The following SLIT2 variants were observed in gnomAD, a reference collection of about 807,000 sequenced individuals.
The protein encoded by SLIT2 is slit homolog 2 protein.
SLIT2 carries 41 observed loss-of-function variants against 185.7 expected under a neutral mutation model. That is an observed-to-expected ratio of 0.22 (90% confidence interval 0.17 to 0.29). The LOEUF (loss-of-function observed/expected upper bound fraction) is 0.29. SLIT2 is among the 10% of genes least tolerant of loss of function. The pLI is 1.00. For missense variants in SLIT2, 1,571 were observed against 1,909.0 expected (o/e 0.82, Z 3.30); for synonymous variants, 693 against 680.2 (o/e 1.02, Z -0.29).
chr4:20,313,165 G>A (rs1422146809), intron 4 of SLIT2, among the ~76,000 whole-genome samples: 1 of 152,122 alleles, frequency 6.6e-6, no homozygotes, highest in Admixed American at 6.6e-5. Flanking sequence ...CCTGAGACTT[G>A]GTAATTTATA....
intron 4 of SLIT2, among the ~76,000 whole-genome samples, chr4:20,441,508 C>T (rs1281481197): frequency 7.3e-6 from 1 of 136,598 alleles, no homozygotes; most frequent in Non-Finnish European, 1.6e-5. Flanking sequence ...CTCTCGCCCC[C>T]CCCCACTTCT....
intron 17 of SLIT2, among the ~76,000 whole-genome samples, chr4:20,533,011 A>G (rs964206732): frequency 6.6e-6 from 1 of 152,212 alleles, no homozygotes; most frequent in African/African-American, 2.4e-5. Context: ...GTTGACCTCA[A>G]CTAGATACTC....
At chr4:20,437,142 G>C (rs879892268) in intron 4 of SLIT2, among the ~76,000 whole-genome samples, 1 of 152,074 alleles carries the variant, frequency 6.6e-6, no homozygotes, top group African/African-American at 2.4e-5. Context: ...GTCAGGACCT[G>C]CTCTCTAAAA....
In SLIT2 at chr4:20,252,509, T is replaced by G. The variant is rs1258576520; in HGVS notation, c.-1307T>G. 1.3e-5 allele frequency among the ~76,000 whole-genome samples: 2 copies of G among 151,978 alleles called. No homozygotes were observed. The highest frequency in any genetic ancestry group is 2.9e-5 in the Non-Finnish European group (2 of 67,984). On this transcript the variant is annotated 5_prime_UTR_variant, in exon 1 of 37. Transcript: ENST00000504154. ...CGGCAGGGGTACCGCCACTGTGGCCTTGGGGGACGGAATTCAAAGCCTGGG... is the reference window on the plus strand; with the variant it reads ...CGGCAGGGGTACCGCCACTGTGGCCGTGGGGGACGGAATTCAAAGCCTGGG...
At chr4:20,505,284 T>C (rs925427732) in intron 9 of SLIT2, among the ~76,000 whole-genome samples, 1 of 152,076 alleles carries the variant, frequency 6.6e-6, no homozygotes, top group Non-Finnish European at 1.5e-5. Flanking sequence ...GCTAATCAGC[T>C]GCAGATCCAG....
In SLIT2 at chr4:20,595,771, A is replaced by C; in HGVS notation, c.3257A>C (p.Lys1086Thr). Reference sequence around the variant, plus strand: ...GACGACTGCCAAGACAACAAGTGTAAAAACGGAGCCCACTGCACAGATGCA... The same window carrying C: ...GACGACTGCCAAGACAACAAGTGTACAAACGGAGCCCACTGCACAGATGCA... ...DFDDCQDNKC[K>T]NGAHCTDAVN... is the part of the protein sequence containing the mutation. The change falls in exon 31 of 37, where the codon AAA (lysine) becomes ACA (threonine). Residue 1086 changes from lysine to threonine, a missense_variant. Physicochemically the swap from Lys to Thr is moderately conservative, Grantham distance 78. Around this residue, in one of 3 missense-constraint regions of SLIT2, gnomAD observed 1,202 missense variants for 1,416.4 expected, o/e 0.85. Coordinates refer to ENST00000504154, the MANE Select transcript of SLIT2 (RefSeq NM_004787.4). 6.2e-7 allele frequency: 1 copy of C among 1,614,168 alleles called. No individual in the cohort carries two copies. Among genetic ancestry groups the C allele is most frequent in the Non-Finnish European group, 8.5e-7 (1 of 1,180,012 alleles).
At chr4:20,489,757 A>G (rs1717606370) in intron 8 of SLIT2, among the ~76,000 whole-genome samples, 1 of 151,124 alleles carries the variant, frequency 6.6e-6, no homozygotes, top group Middle Eastern at 3.5e-3. Flanking sequence ...GCACTCCAGC[A>G]TGGGTGACAA....
chr4:20,406,386 A>G lies in SLIT2; in HGVS notation c.396-61366A>G, dbSNP rs1726776125. Among the ~76,000 whole-genome samples the G allele has an allele frequency of 1.4e-5, 2 of 143,854 alleles. 1 individual carries two copies. Among genetic ancestry groups the G allele is most frequent in the South Asian group, 4.9e-4 (2 of 4,112 alleles). 94.4% of individuals were successfully genotyped at this position (143,854 alleles called of 152,430 possible). ...GAGTGGGAGAAGGGATTTGTAATAT[A>G]TGTAACCACTGAAGGATTTACATAC... On this transcript the variant is annotated intron_variant, in intron 4 of 36. Coordinates refer to ENST00000504154, the MANE Select transcript of SLIT2 (RefSeq NM_004787.4).
intron 4 of SLIT2, among the ~76,000 whole-genome samples, chr4:20,301,109 A>G (rs1716996792): frequency 6.6e-6 from 1 of 152,138 alleles, no homozygotes; most frequent in Non-Finnish European, 1.5e-5. Context: ...TTTCTCATAT[A>G]TTCAATGAGA....
intron 6 of SLIT2, 104 bp from the exon 7 acceptor site, chr4:20,486,094 GCT>G (rs1717208075): frequency 1.4e-6 from 1 of 695,474 alleles, no homozygotes; most frequent in African/African-American, 1.8e-5. Context: ...CTACCAGGTA[GCT>G]GTCCTGCATA....
intron 3 of SLIT2, among the ~76,000 whole-genome samples, chr4:20,263,227 G>A (rs759773426): frequency 1.3e-5 from 2 of 151,668 alleles, no homozygotes; most frequent in African/African-American, 4.8e-5. Flanking sequence ...TTGCCATTAT[G>A]TTTTTTCAAA....
intron 5 of SLIT2, among the ~76,000 whole-genome samples, chr4:20,473,765 A>G (rs1017036035): frequency 3.3e-5 from 5 of 152,026 alleles, no homozygotes; most frequent in African/African-American, 1.2e-4. Context: ...ATTCCTAATG[A>G]TAAGAGAGCA....
At chr4:20,281,438 T>G (rs990459117) in intron 4 of SLIT2, among the ~76,000 whole-genome samples, 4 of 152,216 alleles carry the variant, frequency 2.6e-5, no homozygotes, top group African/African-American at 9.7e-5. Flanking sequence ...GGAAATGCAT[T>G]GTGCACCCGG....
intron 4 of SLIT2, among the ~76,000 whole-genome samples, chr4:20,278,012 A>G (rs1714334613): frequency 6.6e-6 from 1 of 151,928 alleles, no homozygotes; most frequent in Non-Finnish European, 1.5e-5. Context: ...GTACCTCTCT[A>G]AAACTATCTT....
intron 4 of SLIT2, among the ~76,000 whole-genome samples, chr4:20,388,927 ATAAT>A (rs983782006): frequency 2.1e-5 from 3 of 145,926 alleles, no homozygotes; most frequent in Middle Eastern, 3.6e-3. Context: ...TATATAATAT[ATAAT>A]ATATACACAC....
intron 4 of SLIT2, among the ~76,000 whole-genome samples, chr4:20,405,604 A>T (rs1320705707): frequency 6.6e-6 from 1 of 151,900 alleles, no homozygotes. Flanking sequence ...GAAAACATGG[A>T]GGCTATTGTA....
At position 20,253,855 on chromosome 4, in the gene SLIT2, G is replaced by A; in HGVS notation, c.40G>A (p.Gly14Arg). ...VGWQMLSLSLGLVLAILNKVA... is the reference protein window; with the variant it reads ...VGWQMLSLSLRLVLAILNKVA... ...CTGGCAGATGCTGTCCCTGTCGCTG[G>A]GGTTAGTGCTGGCGATCCTGAACAA... Residue 14 changes from glycine to arginine, a missense_variant, in exon 1 of 37, where the codon GGG becomes AGG. This residue lies in a region of SLIT2 where 1,202 missense variants were observed against 1,416.4 expected (regional missense o/e 0.85). Transcript: ENST00000504154. The A allele has an allele frequency of 2.5e-6, 4 of 1,600,464 alleles. No individual in the cohort carries two copies. Among genetic ancestry groups the A allele is most frequent in the Non-Finnish European group, 3.4e-6 (4 of 1,179,880 alleles).
At chr4:20,342,025 AG>A (rs1721000244) in intron 4 of SLIT2, among the ~76,000 whole-genome samples, 1 of 152,200 alleles carries the variant, frequency 6.6e-6, no homozygotes. Context: ...AGGGTAAAAA[AG>A]TCATTGAACA....
rs56154477 is a variant in SLIT2, at chr4:20,432,001, C to CTG, written c.396-35738_396-35737dup. Reference sequence around the variant, plus strand: ...TGTGTGTGTGTAAATCTCTCACTCTCTGTGTGTGTGTGTGCTTGTGTGTGT... The same window carrying CTG: ...TGTGTGTGTGTAAATCTCTCACTCTCTGTGTGTGTGTGTGTGCTTGTGTGTGT... On this transcript the variant is annotated intron_variant, in intron 4 of 36. Transcript: ENST00000504154. 4.7e-3 allele frequency among the ~76,000 whole-genome samples: 706 copies of CTG among 150,826 alleles called. 7 individuals are homozygous for CTG. Among genetic ancestry groups the CTG allele is most frequent in the Non-Finnish European group, 5.6e-3 (379 of 67,662 alleles).
Sources: allele counts gnomAD v4.1 joint callset (sites outside exome capture counted in the v4.1 genomes callset), GRCh38; gene constraint gnomAD v4.1.1; regional missense constraint gnomAD v4.1.1; transcripts MANE v1.5; gene names NCBI Gene and HGNC (gene_info 2026-07-23, HGNC 2026-07-21).